Variants in INSC observed in about 807,000 individuals in gnomAD.
The protein encoded by INSC is INSC spindle orientation adaptor protein.
A neutral mutation model predicts 58.6 loss-of-function variants in INSC; 67 were observed. The observed-to-expected ratio is 1.14, with a 90% CI of 0.94 to 1.40. INSC has a LOEUF of 1.40. INSC is among the 40% of genes most tolerant of loss of function. The pLI, the probability that INSC is intolerant of heterozygous loss-of-function variation, is 0.00. For missense variants in INSC, 714 were observed against 692.0 expected (o/e 1.03, Z -0.36); for synonymous variants, 262 against 276.1 (o/e 0.95, Z 0.51).
At chr11:15,259,368 T>G in the INSC span, among the ~76,000 whole-genome samples, 1 of 152,176 alleles carries the variant, frequency 6.6e-6, no homozygotes, top group Non-Finnish European at 1.5e-5. Flanking sequence ...ATTAAAAGAA[T>G]TCTATTGTGG....
At chr11:15,179,964 G>A (rs1385819226) in intron 5 of INSC, among the ~76,000 whole-genome samples, 1 of 152,154 alleles carries the variant, frequency 6.6e-6, no homozygotes, top group Non-Finnish European at 1.5e-5. Context: ...TCAATTAAAA[G>A]GGCTGAAAAT....
chr11:15,171,790 T>C (rs1224024427), intron 2 of INSC, among the ~76,000 whole-genome samples: 1 of 152,252 alleles, frequency 6.6e-6, no homozygotes, highest in Non-Finnish European at 1.5e-5. Flanking sequence ...GAGGTTCTCA[T>C]GGAACAACTG....
the INSC span, among the ~76,000 whole-genome samples, chr11:15,262,401 T>C: frequency 6.6e-6 from 1 of 152,056 alleles, no homozygotes; most frequent in Admixed American, 6.6e-5. Context: ...CATAATACTT[T>C]TGGATGAAAA....
chr11:15,253,444 C>T, the INSC span, among the ~76,000 whole-genome samples: 75,645 of 151,878 alleles, frequency 0.5, 19,582 homozygotes, highest in East Asian at 0.74. Flanking sequence ...CATGTCTTAT[C>T]TCTGGCTATA....
At chr11:15,265,790 G>A in the INSC span, among the ~76,000 whole-genome samples, 10 of 144,166 alleles carry the variant, frequency 6.9e-5, no homozygotes, top group East Asian at 2.0e-3. Context: ...TTTCGGTATG[G>A]TAGGTATTTT....
At chr11:15,232,686 TAGG>T (rs1197428537) in intron 9 of INSC, among the ~76,000 whole-genome samples, 9 of 152,172 alleles carry the variant, frequency 5.9e-5, no homozygotes, top group Non-Finnish European at 1.0e-4. Flanking sequence ...GATCTTGACA[TAGG>T]AATGTTATCC....
At chr11:15,146,272 G>C (rs1169877331) in intron 1 of INSC, among the ~76,000 whole-genome samples, 1 of 152,210 alleles carries the variant, frequency 6.6e-6, no homozygotes, top group Non-Finnish European at 1.5e-5. Flanking sequence ...GAGGTAATCT[G>C]ATTCACAACC....
intron 9 of INSC, among the ~76,000 whole-genome samples, chr11:15,229,980 T>A (rs1216745407): frequency 3.8e-4 from 12 of 31,664 alleles, no homozygotes; most frequent in South Asian, 1.3e-3. Flanking sequence ...ATATATATAT[T>A]ATATATATAT....
At position 15,221,619 on chromosome 11, in the gene INSC, G is replaced by T. The variant is rs369928674; in HGVS notation, c.962G>T (p.Ser321Ile). The T allele has an allele frequency of 6.2e-7, 1 of 1,613,390 alleles. No homozygotes were observed. The highest frequency in any genetic ancestry group is 1.3e-5 in the African/African-American group (1 of 74,904). The change falls in exon 8 of 13, where the codon AGC becomes ATC. Residue 321 changes from serine to isoleucine, a missense_variant. Transcript: ENST00000379556. The part of the protein sequence containing the change: ...VTQHLSSFLE[S>I]MEEIVTALVK... ...CAGCACCTCAGTAGCTTCCTGGAGA[G>T]CATGGAGGAGATCGTGACAGCCCTC...
chr11:15,164,586 C>T (rs904406068), intron 2 of INSC, among the ~76,000 whole-genome samples: 1 of 152,202 alleles, frequency 6.6e-6, no homozygotes, highest in Non-Finnish European at 1.5e-5. Context: ...AAATCTCCTT[C>T]TAGTTTCAGC....
At chr11:15,263,881 C>T in the INSC span, among the ~76,000 whole-genome samples, 1 of 151,864 alleles carries the variant, frequency 6.6e-6, no homozygotes, top group Non-Finnish European at 1.5e-5. Context: ...GCCATCAGAT[C>T]CTGGAGGCCT....
chr11:15,116,778 C>A lies in INSC; in HGVS notation c.-46+1775C>A, dbSNP rs576628787. 2.6e-4 allele frequency among the ~76,000 whole-genome samples: 36 copies of A among 137,234 alleles called. No individual in the cohort carries two copies. In the East Asian group the frequency reaches 7.7e-3, roughly 29 times the overall value. 90.0% of individuals were successfully genotyped at this position (137,234 alleles called of 152,430 possible). On this transcript the variant is annotated intron_variant, in intron 1 of 12. Coordinates refer to ENST00000379556, the MANE Select transcript of INSC (RefSeq NM_001042536.3). The stretch of plus-strand genomic sequence containing the variant: ...CCTTCCTTCCATTCTTTCTTTTTTT[C>A]TTCCTTCCTTTCTTTTCTTTTCTTT...
chr11:15,250,596 A>G (rs1276350598), downstream of INSC, among the ~76,000 whole-genome samples: 1 of 152,196 alleles, frequency 6.6e-6, no homozygotes, highest in African/African-American at 2.4e-5. Context: ...AGGATTATGA[A>G]GTTTCACCCT....
chr11:15,206,541 C>A (rs1361248636), intron 7 of INSC, among the ~76,000 whole-genome samples: 1 of 152,060 alleles, frequency 6.6e-6, no homozygotes, highest in Non-Finnish European at 1.5e-5. Flanking sequence ...AAATGAGGGC[C>A]AAGGAGGGAG....
At chr11:15,200,266 T>C (rs1850531211) in intron 6 of INSC, among the ~76,000 whole-genome samples, 1 of 152,080 alleles carries the variant, frequency 6.6e-6, no homozygotes, top group Non-Finnish European at 1.5e-5. Context: ...TTCAGTTTTT[T>C]TGATCAAAAA....
At chr11:15,133,609 C>T (rs1475953042) in intron 1 of INSC, among the ~76,000 whole-genome samples, 2 of 152,130 alleles carry the variant, frequency 1.3e-5, no homozygotes, top group Admixed American at 1.3e-4. Context: ...TGATTCCTCC[C>T]CTTGGAAAGT....
rs528466490 is a variant in INSC, at chr11:15,128,780, G to A, written c.-46+13777G>A. 5.8e-3 allele frequency among the ~76,000 whole-genome samples: 889 copies of A among 152,260 alleles called. 8 individuals are homozygous for A. The highest frequency in any genetic ancestry group is 7.6e-3 in the Non-Finnish European group (515 of 68,006). On this transcript the variant is annotated intron_variant, in intron 1 of 12. Coordinates refer to ENST00000379556, the MANE Select transcript of INSC (RefSeq NM_001042536.3). Reference sequence around the variant, plus strand: ...GGTGAGGGGGTAGGCTGGCCCCTGCGCCCAGCTATGCAAAGATTAGGGCTG... The same window carrying A: ...GGTGAGGGGGTAGGCTGGCCCCTGCACCCAGCTATGCAAAGATTAGGGCTG...
At chr11:15,189,367 GTTTATTTATTTA>G (rs146274786) in intron 5 of INSC, among the ~76,000 whole-genome samples, 534 of 150,180 alleles carry the variant, frequency 3.6e-3, no homozygotes, top group African/African-American at 0.01. Flanking sequence ...ACACCATTTT[GTTTATTTATTTA>G]TTTATTTATT....
At position 15,138,953 on chromosome 11, in the gene INSC, T is replaced by G. The variant is rs1476144418; in HGVS notation, c.-45-10177T>G. Among the ~76,000 whole-genome samples the G allele has an allele frequency of 3.3e-5, 5 of 152,198 alleles. No individual in the cohort carries two copies. The South Asian group carries it at 8.3e-4, about 25-fold the overall frequency. ...AAATGTTATTGAGCAAACTCCAATT[T>G]AGAGGATTTGAGGAAGAAATAAAAT... On this transcript the variant is annotated intron_variant, in intron 1 of 12. Transcript: ENST00000379556.
Sources: allele counts gnomAD v4.1 joint callset (sites outside exome capture counted in the v4.1 genomes callset), GRCh38; gene constraint gnomAD v4.1.1; transcripts MANE v1.5; gene names NCBI Gene and HGNC (gene_info 2026-07-23, HGNC 2026-07-21).